The following AKAP10 variants were observed in gnomAD, a reference collection of about 807,000 sequenced individuals.
The protein encoded by AKAP10 is A-kinase anchor protein 10, mitochondrial.
In AKAP10, 24 loss-of-function variants were observed where a neutral mutation model predicts 80.8. The ratio of observed to expected loss-of-function variants is 0.30; its 90% CI spans 0.22 to 0.42. The LOEUF (loss-of-function observed/expected upper bound fraction) is 0.42. Ranked by LOEUF, AKAP10 falls within the 10% of genes least tolerant of loss-of-function variation. The pLI is 1.00. For synonymous variants in AKAP10, 291 were observed against 277.7 expected (o/e 1.05, Z -0.48); for missense variants, 661 against 794.9 (o/e 0.83, Z 2.03).
chr17:19,944,893 T>C (rs1240234866), intron 5 of AKAP10, among the ~76,000 whole-genome samples: 1 of 152,176 alleles, frequency 6.6e-6, no homozygotes, highest in Non-Finnish European at 1.5e-5. Context: ...ATCCAAGGAT[T>C]ACATTTAAAA....
chr17:19,964,111 T>A (rs2043386747), intron 2 of AKAP10, among the ~76,000 whole-genome samples: 1 of 152,146 alleles, frequency 6.6e-6, no homozygotes, highest in Admixed American at 6.5e-5. Flanking sequence ...CATGAGAAAT[T>A]GGAGCAAAAT....
chr17:19,909,889 T>A (rs113754472), intron 13 of AKAP10, 37 bp downstream of exon 13: 2 of 1,605,162 alleles, frequency 1.2e-6, no homozygotes, highest in South Asian at 1.1e-5. Context: ...GTGGCACTTA[T>A]AAACAGAAAT....
chr17:19,957,908 G>GA (rs1272967628), intron 4 of AKAP10, 106 bp downstream of exon 4: 24 of 1,252,436 alleles, frequency 1.9e-5, no homozygotes, highest in Middle Eastern at 2.6e-4. Context: ...AGTTAGAGGA[G>GA]AAAAAAAATA....
At chr17:19,935,245 C>G (rs2042980534) in intron 9 of AKAP10, among the ~76,000 whole-genome samples, 1 of 151,976 alleles carries the variant, frequency 6.6e-6, no homozygotes, top group Non-Finnish European at 1.5e-5. Context: ...AACACAAATA[C>G]AGAAAAGGCA....
At chr17:19,928,864 C>T (rs929726436) in intron 10 of AKAP10, among the ~76,000 whole-genome samples, 7 of 151,968 alleles carry the variant, frequency 4.6e-5, no homozygotes, top group Non-Finnish European at 7.4e-5. Context: ...AGCAAGACTC[C>T]ACCTCAAATT....
At position 19,923,781 on chromosome 17, in the gene AKAP10, C is replaced by T. The variant is rs993007721; in HGVS notation, c.1751+627G>A. Among the ~76,000 whole-genome samples the T allele has an allele frequency of 1.1e-4, 16 of 152,300 alleles. No individual in the cohort carries two copies. In the East Asian group the frequency reaches 3.1e-3, roughly 29 times the overall value. On this transcript the variant is annotated intron_variant, in intron 11 of 14. Transcript: ENST00000225737. Reference sequence around the variant, plus strand: ...GACCTCGTGATCCGCCCACCTCGGCCTCCCAAAGTGCTGGGATTACAGGTG... The same window carrying T: ...GACCTCGTGATCCGCCCACCTCGGCTTCCCAAAGTGCTGGGATTACAGGTG...
At chr17:19,977,564 G>T in intron 1 of AKAP10, 28 bp downstream of exon 1, 2 of 1,232,080 alleles carry the variant, frequency 1.6e-6, no homozygotes, top group South Asian at 4.1e-5. Context: ...GGCCCGGCCT[G>T]ACTCCCCGCC....
chr17:19,938,702 T>TTAAGGATACAAA (rs1330702828), intron 8 of AKAP10, among the ~76,000 whole-genome samples: 1 of 152,024 alleles, frequency 6.6e-6, no homozygotes, highest in African/African-American at 2.4e-5. Flanking sequence ...TAGCATTTGC[T>TTAAGGATACAAA]TAAGGATACA....
intron 4 of AKAP10, among the ~76,000 whole-genome samples, chr17:19,951,245 C>T (rs1303931428): frequency 2.8e-5 from 4 of 141,412 alleles, no homozygotes; most frequent in South Asian, 4.3e-4. Flanking sequence ...GGTCAGCCCC[C>T]GCCCGGCCAG....
chr17:19,922,803 G>A (rs1283766641), intron 11 of AKAP10, among the ~76,000 whole-genome samples: 1 of 152,152 alleles, frequency 6.6e-6, no homozygotes, highest in Non-Finnish European at 1.5e-5. Flanking sequence ...GGGAGGATGA[G>A]GCAGAAGAAA....
At chr17:19,963,106 A>C (rs2043373371) in intron 2 of AKAP10, 84 bp from the exon 3 acceptor site, 5 of 1,226,880 alleles carry the variant, frequency 4.1e-6, no homozygotes, top group Non-Finnish European at 5.5e-6. Flanking sequence ...GAGAACTTTA[A>C]AAATTAAATT....
chr17:19,946,221 T>TA (rs1567765297), intron 5 of AKAP10, among the ~76,000 whole-genome samples: 2 of 27,000 alleles, frequency 7.4e-5, no homozygotes, highest in African/African-American at 1.3e-4. Flanking sequence ...ATATATATAT[T>TA]TTATATATAT....
intron 12 of AKAP10, among the ~76,000 whole-genome samples, chr17:19,917,915 A>C (rs1429502172): frequency 6.7e-6 from 1 of 150,008 alleles, no homozygotes; most frequent in Non-Finnish European, 1.5e-5. Context: ...CCCACCCGAC[A>C]AAAAAAAAGA....
intron 13 of AKAP10, 42 bp downstream of exon 13, chr17:19,909,884 A>G: frequency 1.3e-6 from 2 of 1,592,964 alleles, no homozygotes; most frequent in Non-Finnish European, 1.7e-6. Context: ...TGAGGGTGGC[A>G]CTTATAAACA....
At chr17:19,935,397 G>T (rs1163712318) in intron 9 of AKAP10, among the ~76,000 whole-genome samples, 2 of 151,998 alleles carry the variant, frequency 1.3e-5, no homozygotes, top group Non-Finnish European at 2.9e-5. Context: ...GCACATTATT[G>T]TACACTACTG....
rs780787343 is a variant in AKAP10, at chr17:19,962,942, T to C, written c.217A>G (p.Ile73Val). 1.3e-5 allele frequency: 21 copies of C among 1,614,010 alleles called. No homozygotes were observed. Among genetic ancestry groups the C allele is most frequent in the African/African-American group, 6.7e-5 (5 of 74,920 alleles). ...TCCATGTTGGCAGAAATGGCATTGA[T>C]TGCAACATGACTTGGTCCTGCAGCC... Reference protein sequence around the residue: ...LEAAGPSHVAINAISANMDSF... With the variant: ...LEAAGPSHVAVNAISANMDSF... Residue 73 changes from isoleucine to valine, a missense_variant, in exon 3 of 15, where the codon ATC (isoleucine) becomes GTC (valine). Ile to Val is a conservative substitution (Grantham distance 29, BLOSUM62 3). Coordinates refer to ENST00000225737, the MANE Select transcript of AKAP10 (RefSeq NM_007202.4).
intron 3 of AKAP10, among the ~76,000 whole-genome samples, chr17:19,959,001 C>T (rs1335253353): frequency 3.3e-5 from 5 of 151,708 alleles, no homozygotes; most frequent in East Asian, 1.9e-4. Flanking sequence ...TACAGGCACC[C>T]GCCACCACGC....
chr17:19,954,050 C>T (rs1181804091), intron 4 of AKAP10, among the ~76,000 whole-genome samples: 1 of 152,062 alleles, frequency 6.6e-6, no homozygotes, highest in Middle Eastern at 3.2e-3. Context: ...AAAAACAAAA[C>T]CCTAGGCCCA....
intron 1 of AKAP10, among the ~76,000 whole-genome samples, chr17:19,975,775 C>G (rs984973666): frequency 6.6e-6 from 1 of 152,146 alleles, no homozygotes; most frequent in Non-Finnish European, 1.5e-5. Context: ...AGACTCTGGA[C>G]ACTCAAAAGG....
Sources: allele counts gnomAD v4.1 joint callset (sites outside exome capture counted in the v4.1 genomes callset), GRCh38; gene constraint gnomAD v4.1.1; transcripts MANE v1.5; gene names NCBI Gene and HGNC (gene_info 2026-07-23, HGNC 2026-07-21).